GALNTL6: variants seen among roughly 807,000 people sequenced by gnomAD.
The protein encoded by GALNTL6 is polypeptide N-acetylgalactosaminyltransferase-like 6.
Under a neutral mutation model 73.7 loss-of-function variants are expected in GALNTL6, and 46 were observed. The observed-to-expected ratio is 0.62, with a 90% CI of 0.49 to 0.80. GALNTL6 has a LOEUF of 0.80. GALNTL6 is among the 30% of genes least tolerant of loss of function. The pLI is 0.00. For missense variants in GALNTL6, 604 were observed against 755.0 expected (o/e 0.80, Z 2.34); for synonymous variants, 259 against 263.7 (o/e 0.98, Z 0.17).
intron 2 of GALNTL6, among the ~76,000 whole-genome samples, chr4:172,215,398 A>G (rs561918291): frequency 1.1e-4 from 16 of 152,232 alleles, no homozygotes; most frequent in East Asian, 3.9e-4. Context: ...TTGCAATTCT[A>G]TCAGTTTCTG....
chr4:172,774,215 C>G (rs372970115), intron 5 of GALNTL6, among the ~76,000 whole-genome samples: 1 of 152,168 alleles, frequency 6.6e-6, no homozygotes, highest in East Asian at 1.9e-4. Flanking sequence ...TACAGCATAA[C>G]ATATGAATGA....
At chr4:172,392,517 C>G (rs1455671266) in intron 5 of GALNTL6, among the ~76,000 whole-genome samples, 2 of 151,368 alleles carry the variant, frequency 1.3e-5, no homozygotes, top group Non-Finnish European at 2.9e-5. Flanking sequence ...AAGGGATCCT[C>G]CTTCCTCGGT....
At position 172,257,780 on chromosome 4, in the gene GALNTL6, C is replaced by T. The variant is rs1295531721; in HGVS notation, c.247+28016C>T. Among the ~76,000 whole-genome samples, 3 of 151,284 alleles carry T rather than the reference C, an allele frequency of 2.0e-5. No individual in the cohort carries two copies. In the Admixed American group the frequency reaches 2.0e-4, roughly 10 times the overall value. On this transcript the variant is annotated intron_variant, in intron 3 of 12. Coordinates refer to ENST00000506823, the MANE Select transcript of GALNTL6 (RefSeq NM_001034845.3). Reference sequence around the variant, plus strand: ...CTAAAATATATAACCTAGCTGGAAGCTTTCCCTTTTAGAATATTGCTACAT... The same window carrying T: ...CTAAAATATATAACCTAGCTGGAAGTTTTCCCTTTTAGAATATTGCTACAT...
chr4:172,157,921 T>C (rs1734334685), intron 2 of GALNTL6, among the ~76,000 whole-genome samples: 1 of 152,182 alleles, frequency 6.6e-6, no homozygotes, highest in African/African-American at 2.4e-5. Flanking sequence ...GAGCATATTG[T>C]GGCCTCTGCA....
intron 5 of GALNTL6, among the ~76,000 whole-genome samples, chr4:172,546,516 T>A (rs758470494): frequency 2.0e-5 from 3 of 150,974 alleles, no homozygotes; most frequent in Non-Finnish European, 4.4e-5. Flanking sequence ...AAGACTGCTA[T>A]ACCTGCAAAA....
At chr4:172,037,079 G>C (rs1741947811) in intron 2 of GALNTL6, among the ~76,000 whole-genome samples, 1 of 152,010 alleles carries the variant, frequency 6.6e-6, no homozygotes, top group Non-Finnish European at 1.5e-5. Context: ...CTGGCACTTG[G>C]CTATGGACTA....
intron 2 of GALNTL6, among the ~76,000 whole-genome samples, chr4:172,105,988 G>GA: frequency 6.6e-6 from 1 of 152,168 alleles, no homozygotes; most frequent in Middle Eastern, 3.4e-3. Flanking sequence ...TGATACTTTG[G>GA]AAAAAATTGG....
intron 2 of GALNTL6, among the ~76,000 whole-genome samples, chr4:172,084,892 G>A (rs866882955): frequency 7.9e-5 from 12 of 152,110 alleles, no homozygotes; most frequent in African/African-American, 1.4e-4. Flanking sequence ...ATGTTGTCAC[G>A]TAAAATTATT....
At chr4:172,020,155 A>G (rs1350119346) in intron 2 of GALNTL6, among the ~76,000 whole-genome samples, 1 of 152,088 alleles carries the variant, frequency 6.6e-6, no homozygotes, top group African/African-American at 2.4e-5. Context: ...CTTATGGGAT[A>G]CAATAAAAGC....
At chr4:172,733,597 T>G (rs1008624221) in intron 5 of GALNTL6, among the ~76,000 whole-genome samples, 1 of 152,144 alleles carries the variant, frequency 6.6e-6, no homozygotes. Flanking sequence ...GTTGTTCCCA[T>G]GCTGTTCTCA....
chr4:173,015,541 G>C (rs763807780), intron 11 of GALNTL6, among the ~76,000 whole-genome samples: 7 of 152,218 alleles, frequency 4.6e-5, no homozygotes, highest in Non-Finnish European at 8.8e-5. Context: ...TGAAGAACTT[G>C]TTGGGAACTG....
chr4:172,347,298 T>G (rs1449882492), intron 4 of GALNTL6, among the ~76,000 whole-genome samples: 1 of 152,108 alleles, frequency 6.6e-6, no homozygotes, highest in Non-Finnish European at 1.5e-5. Context: ...CCCCTATTGA[T>G]GGGTTATAGG....
chr4:173,022,001 A>AAG (rs1224304296), intron 12 of GALNTL6, among the ~76,000 whole-genome samples: 1 of 149,294 alleles, frequency 6.7e-6, no homozygotes, highest in Non-Finnish European at 1.5e-5. Flanking sequence ...TAAGAAAAGA[A>AAG]AGAGAGAGAG....
At chr4:172,013,160 T>C (rs1485972475) in intron 2 of GALNTL6, among the ~76,000 whole-genome samples, 1 of 152,142 alleles carries the variant, frequency 6.6e-6, no homozygotes, top group Non-Finnish European at 1.5e-5. Context: ...CTCAAACATT[T>C]ATCATTTCTT....
chr4:172,826,861 T>C (rs1742296614), intron 7 of GALNTL6, among the ~76,000 whole-genome samples: 1 of 152,220 alleles, frequency 6.6e-6, no homozygotes, highest in East Asian at 1.9e-4. Context: ...ACTCAGTCAA[T>C]TCAAAAGTCT....
chr4:172,740,822 T>G (rs1173166327), intron 5 of GALNTL6, among the ~76,000 whole-genome samples: 2 of 152,084 alleles, frequency 1.3e-5, no homozygotes, highest in African/African-American at 4.8e-5. Context: ...TGAAGAAAAT[T>G]CATGTGTTAG....
chr4:171,866,107 G>T (rs1318280649), intron 2 of GALNTL6, among the ~76,000 whole-genome samples: 2 of 151,968 alleles, frequency 1.3e-5, no homozygotes, highest in East Asian at 3.9e-4. Context: ...AGAAAATGAA[G>T]GATCCTAAAT....
chr4:172,012,451 AT>A (rs1741042405), intron 2 of GALNTL6, among the ~76,000 whole-genome samples: 1 of 151,696 alleles, frequency 6.6e-6, no homozygotes, highest in Non-Finnish European at 1.5e-5. Context: ...CACACTCCTA[AT>A]TTTCTGTGAT....
intron 2 of GALNTL6, among the ~76,000 whole-genome samples, chr4:172,103,937 T>C (rs1732597968): frequency 6.9e-6 from 1 of 145,780 alleles, no homozygotes. Context: ...TGTTTTTTTC[T>C]TTTCTTTTTC....
Sources: gnomAD v4.1 joint callset for allele counts (sites outside exome capture counted in the v4.1 genomes callset) on GRCh38, gnomAD v4.1.1 for gene constraint, MANE v1.5 for transcripts, NCBI Gene and HGNC (gene_info 2026-07-23, HGNC 2026-07-21) for gene names.